The following PTPRD variants were observed in gnomAD, a reference collection of about 807,000 sequenced individuals.
PTPRD encodes receptor-type tyrosine-protein phosphatase delta.
PTPRD carries 34 observed loss-of-function variants against 214.5 expected under a neutral mutation model. The ratio of observed to expected loss-of-function variants is 0.16; its 90% CI spans 0.12 to 0.21. The LOEUF (loss-of-function observed/expected upper bound fraction) is 0.21, where lower values mean the gene tolerates loss of function less well. Among genes scored for constraint, PTPRD ranks in the 10% least tolerant of loss-of-function variants. The pLI is 1.00. For synonymous variants in PTPRD, 1,128 were observed against 845.7 expected, an observed-to-expected ratio of 1.33 and a Z score of -5.79; for missense variants, 2,545 against 2,398.7, an observed-to-expected ratio of 1.06 and a Z score of -1.27.
chr9:10,411,693 T>G lies in PTPRD; in HGVS notation c.-599-70676A>C, dbSNP rs577761088. Among the ~76,000 whole-genome samples the G allele has an allele frequency of 6.4e-4, 97 of 151,926 alleles. 2 individuals carry two copies. The highest frequency in any genetic ancestry group is 2.2e-3 in the African/African-American group (92 of 41,526). ...ATTTTTTTTACTTATTAGCTACTAA[T>G]TATTAGCTACTAATAATTCTTTAAT... On this transcript the variant is annotated intron_variant, in intron 2 of 45. Transcript: ENST00000381196.
At chr9:9,334,083 T>C (rs2043452974) in intron 9 of PTPRD, among the ~76,000 whole-genome samples, 1 of 151,970 alleles carries the variant, frequency 6.6e-6, no homozygotes, top group African/African-American at 2.4e-5. Context: ...CCTAAGTGTA[T>C]ATGCCCGTAA....
At chr9:9,698,082 G>C (rs937868648) in intron 7 of PTPRD, among the ~76,000 whole-genome samples, 4 of 152,102 alleles carry the variant, frequency 2.6e-5, no homozygotes, top group Non-Finnish European at 5.9e-5. Flanking sequence ...GTTTCCTTCA[G>C]ATTACTATTT....
intron 11 of PTPRD, among the ~76,000 whole-genome samples, chr9:8,746,538 A>C (rs1405802621): frequency 6.6e-6 from 1 of 152,226 alleles, no homozygotes; most frequent in African/African-American, 2.4e-5. Context: ...AAAATACACA[A>C]TATGGATATC....
At chr9:9,637,647 T>A (rs1593772176) in intron 7 of PTPRD, among the ~76,000 whole-genome samples, 2 of 152,218 alleles carry the variant, frequency 1.3e-5, no homozygotes, top group Admixed American at 6.5e-5. Flanking sequence ...TTGAAATGCA[T>A]GCCTGAGGCC....
intron 4 of PTPRD, among the ~76,000 whole-genome samples, chr9:9,962,504 C>G (rs2094433161): frequency 1.3e-5 from 2 of 151,948 alleles, no homozygotes; most frequent in South Asian, 4.1e-4. Flanking sequence ...GCACAATTCA[C>G]CCAAACATTA....
rs1444868517 is a variant in PTPRD at position 9,613,131 on chromosome 9, CATACATATATATATATATAT to C, written c.-286-38370_-286-38351del. Among the ~76,000 whole-genome samples, 35 of 40,902 alleles carry C rather than the reference CATACATATATATATATATAT, an allele frequency of 8.6e-4. 3 individuals are homozygous for C. Among genetic ancestry groups the C allele is most frequent in the African/African-American group, 1.4e-3 (16 of 11,618 alleles). The allele number at this position is 40,902 out of a possible 152,430, so 26.8% of individuals were successfully genotyped here. A position where few individuals can be genotyped will look rare whatever the true frequency, so the allele number is the denominator to read the frequency against. On this transcript the variant is annotated intron_variant, in intron 7 of 45. Transcript: ENST00000381196. ...TAATAGCTAGGCTGCAGTATACATA[CATACATATATATATATATAT>C]ATATATATATATATATATATATGAT...
At chr9:9,191,246 C>T (rs558489171) in intron 9 of PTPRD, among the ~76,000 whole-genome samples, 12 of 152,082 alleles carry the variant, frequency 7.9e-5, no homozygotes, top group Non-Finnish European at 1.8e-4. Flanking sequence ...TAATTTCTTT[C>T]GCTTACGACA....
intron 5 of PTPRD, among the ~76,000 whole-genome samples, chr9:9,845,298 G>A (rs904988748): frequency 1.4e-5 from 2 of 146,288 alleles, no homozygotes; most frequent in African/African-American, 2.5e-5. Context: ...AAGAGAGAAA[G>A]GGATATATTA....
chr9:9,519,844 C>A (rs1194484773), intron 8 of PTPRD, among the ~76,000 whole-genome samples: 4 of 151,986 alleles, frequency 2.6e-5, no homozygotes. Flanking sequence ...TAAAACCGAA[C>A]AAGTTGATCC....
At chr9:8,947,806 T>G (rs564621826) in intron 11 of PTPRD, among the ~76,000 whole-genome samples, 35 of 152,258 alleles carry the variant, frequency 2.3e-4, no homozygotes, top group South Asian at 1.0e-3. Flanking sequence ...ACAGACGTAT[T>G]TTTGGCAAAA....
intron 3 of PTPRD, among the ~76,000 whole-genome samples, chr9:10,080,440 A>G (rs955835916): frequency 2.0e-5 from 3 of 152,148 alleles, no homozygotes; most frequent in African/African-American, 7.2e-5. Context: ...TAATCCAATC[A>G]TGACACAAGG....
At chr9:8,986,502 G>C (rs1219379595) in intron 11 of PTPRD, among the ~76,000 whole-genome samples, 1 of 150,942 alleles carries the variant, frequency 6.6e-6, no homozygotes, top group African/African-American at 2.4e-5. Flanking sequence ...AAATAGTTTA[G>C]TATCTTTACT....
At chr9:9,525,707 G>T (rs612728) in intron 8 of PTPRD, among the ~76,000 whole-genome samples, 136,610 of 152,040 alleles carry the variant, frequency 0.9, 62,028 homozygotes, top group East Asian at 1. Context: ...TAAAAATAAG[G>T]CAGAGAAAGT....
At chr9:8,625,418 C>A (rs910272040) in intron 14 of PTPRD, among the ~76,000 whole-genome samples, 5 of 151,762 alleles carry the variant, frequency 3.3e-5, no homozygotes, top group Non-Finnish European at 7.4e-5. Flanking sequence ...ACAGAAAGAA[C>A]TATGTATGCC....
Position 8,596,788 on chromosome 9 carries a change from C to T in PTPRD, c.352+36529G>A, listed in dbSNP as rs75809379. Reference sequence around the variant, plus strand: ...ATCTAAGCTAGGCAACACAAAGCAACAATATTGTTGATAAACAGCTTTGCT... The same window carrying T: ...ATCTAAGCTAGGCAACACAAAGCAATAATATTGTTGATAAACAGCTTTGCT... On this transcript the variant is annotated intron_variant, in intron 14 of 45. Coordinates refer to ENST00000381196, the MANE Select transcript of PTPRD (RefSeq NM_002839.4). Among the ~76,000 whole-genome samples, 1,309 of 152,166 alleles carry T rather than the reference C, an allele frequency of 8.6e-3. 22 individuals are homozygous for T. The highest frequency in any genetic ancestry group is 0.028 in the African/African-American group (1,184 of 41,554).
intron 2 of PTPRD, among the ~76,000 whole-genome samples, chr9:10,567,728 T>C (rs1464534293): frequency 6.6e-6 from 1 of 151,818 alleles, no homozygotes; most frequent in Non-Finnish European, 1.5e-5. Context: ...CAAATAATTA[T>C]TTGTCTCTGA....
intron 2 of PTPRD, among the ~76,000 whole-genome samples, chr9:10,525,327 G>A (rs945501491): frequency 2.0e-5 from 3 of 151,970 alleles, no homozygotes; most frequent in Middle Eastern, 3.2e-3. Context: ...GGTTGAACAG[G>A]ATGCCACAAT....
At chr9:8,697,925 C>G (rs2097961000) in intron 12 of PTPRD, among the ~76,000 whole-genome samples, 2 of 152,096 alleles carry the variant, frequency 1.3e-5, no homozygotes, top group South Asian at 4.1e-4. Context: ...CCATCCACTG[C>G]CATAGTGCAG....
At chr9:8,455,750 T>C (rs1040483138) in intron 33 of PTPRD, among the ~76,000 whole-genome samples, 1 of 152,220 alleles carries the variant, frequency 6.6e-6, no homozygotes, top group Non-Finnish European at 1.5e-5. Flanking sequence ...AAAAGAATTC[T>C]ATATAAATGT....
Sources: gnomAD v4.1 joint callset for allele counts (sites outside exome capture counted in the v4.1 genomes callset) on GRCh38, gnomAD v4.1.1 for gene constraint, MANE v1.5 for transcripts, NCBI Gene and HGNC (gene_info 2026-07-23, HGNC 2026-07-21) for gene names.